Variants in C12orf42 observed in about 807,000 individuals in gnomAD.
C12orf42 encodes the protein uncharacterized protein C12orf42.
Under a neutral mutation model 21.6 loss-of-function variants are expected in C12orf42, and 25 were observed. The ratio of observed to expected loss-of-function variants is 1.16; its 90% CI spans 0.84 to 1.62. The LOEUF (loss-of-function observed/expected upper bound fraction) is 1.62, where lower values mean the gene tolerates loss of function less well. Ranked by LOEUF, C12orf42 falls within the 40% of genes most tolerant of loss-of-function variation. C12orf42 has a pLI of 0.00. For synonymous variants in C12orf42, 174 were observed against 175.0 expected (o/e 0.99, Z 0.05); for missense variants, 483 against 459.3 (o/e 1.05, Z -0.47).
intron 4 of C12orf42, among the ~76,000 whole-genome samples, chr12:103,286,552 G>C (rs1245811897): frequency 6.6e-6 from 1 of 151,324 alleles, no homozygotes; most frequent in African/African-American, 2.4e-5. Flanking sequence ...CTAGCACATA[G>C]TAAATAATCA....
intron 4 of C12orf42, among the ~76,000 whole-genome samples, chr12:103,334,052 T>C (rs2041474644): frequency 6.6e-6 from 1 of 152,236 alleles, no homozygotes; most frequent in Admixed American, 6.5e-5. Context: ...TGCATATGAA[T>C]GCTGAGTTAA....
chr12:103,098,503 T>C, the C12orf42 span, among the ~76,000 whole-genome samples: 1 of 152,238 alleles, frequency 6.6e-6, no homozygotes, highest in Non-Finnish European at 1.5e-5. Context: ...CTTATTTTAA[T>C]AACTGCAAAA....
the C12orf42 span, among the ~76,000 whole-genome samples, chr12:103,214,497 G>A: frequency 3.9e-5 from 6 of 152,082 alleles, no homozygotes; most frequent in East Asian, 9.6e-4. Flanking sequence ...AGTTATCCCC[G>A]CACGGAGATC....
chr12:103,309,857 C>A (rs1278354901), intron 4 of C12orf42, among the ~76,000 whole-genome samples: 1 of 152,244 alleles, frequency 6.6e-6, no homozygotes, highest in Non-Finnish European at 1.5e-5. Flanking sequence ...TCCTGAGCCA[C>A]AGCTTTGTCC....
At chr12:103,188,019 T>TTACCA in the C12orf42 span, among the ~76,000 whole-genome samples, 1 of 152,228 alleles carries the variant, frequency 6.6e-6, no homozygotes, top group Non-Finnish European at 1.5e-5. Context: ...AAGAGTACTC[T>TTACCA]GAATTTCCTT....
intron 4 of C12orf42, among the ~76,000 whole-genome samples, chr12:103,343,116 T>C (rs145363176): frequency 3.0e-4 from 46 of 152,328 alleles, no homozygotes; most frequent in African/African-American, 1.1e-3. Flanking sequence ...AATTCTAACA[T>C]TTGCAAGTGA....
chr12:103,083,374 C>CA, the C12orf42 span, among the ~76,000 whole-genome samples: 3,436 of 151,980 alleles, frequency 0.023, 58 homozygotes, highest in African/African-American at 0.044. Context: ...AAAACAAAAA[C>CA]AAAAAATACA....
chr12:103,199,019 T>C, the C12orf42 span, among the ~76,000 whole-genome samples: 2 of 152,180 alleles, frequency 1.3e-5, no homozygotes, highest in South Asian at 2.1e-4. Flanking sequence ...TTTTGAGCAA[T>C]ATGAATGAAG....
chr12:103,328,121 A>G (rs2040875546), intron 4 of C12orf42, among the ~76,000 whole-genome samples: 1 of 152,188 alleles, frequency 6.6e-6, no homozygotes, highest in Admixed American at 6.5e-5. Context: ...CCAGTATTTT[A>G]GGTCAACATC....
chr12:103,107,284 A>C, the C12orf42 span, among the ~76,000 whole-genome samples: 1 of 152,088 alleles, frequency 6.6e-6, no homozygotes, highest in Middle Eastern at 3.4e-3. Context: ...TATATGTTAC[A>C]CATTGGAAAC....
chr12:103,557,059 C>T, the C12orf42 span, among the ~76,000 whole-genome samples: 1 of 152,084 alleles, frequency 6.6e-6, no homozygotes, highest in Non-Finnish European at 1.5e-5. Context: ...AATAAATTTG[C>T]TTTCCTTTAA....
At chr12:103,412,229 A>G (rs1566266973) in intron 2 of C12orf42, among the ~76,000 whole-genome samples, 4 of 152,264 alleles carry the variant, frequency 2.6e-5, no homozygotes, top group African/African-American at 9.6e-5. Context: ...AATGAGAAAT[A>G]TATTGAACAC....
At chr12:103,364,623 A>G (rs147160626) in intron 4 of C12orf42, among the ~76,000 whole-genome samples, 5 of 152,100 alleles carry the variant, frequency 3.3e-5, no homozygotes, top group Non-Finnish European at 7.4e-5. Context: ...AGATCCAAAT[A>G]AGCTCAATTG....
At chr12:103,526,471 C>T in the C12orf42 span, among the ~76,000 whole-genome samples, 16 of 152,192 alleles carry the variant, frequency 1.1e-4, no homozygotes, top group South Asian at 1.9e-3. Context: ...GCATATGTGT[C>T]GTTATTTCAT....
At chr12:103,234,838 A>G (rs1028397672), downstream of C12orf42, among the ~76,000 whole-genome samples, 2 of 152,208 alleles carry the variant, frequency 1.3e-5, no homozygotes, top group African/African-American at 4.8e-5. Flanking sequence ...GAATTGTTCT[A>G]TTTTACACTG....
At chr12:103,500,686 G>T (rs1005234223), upstream of C12orf42, among the ~76,000 whole-genome samples, 2 of 152,226 alleles carry the variant, frequency 1.3e-5, no homozygotes, top group Non-Finnish European at 2.9e-5. Flanking sequence ...TGGGTATTGT[G>T]TTGTGCATGT....
intron 4 of C12orf42, among the ~76,000 whole-genome samples, chr12:103,361,196 T>C (rs899760243): frequency 3.9e-5 from 6 of 152,088 alleles, no homozygotes; most frequent in African/African-American, 1.4e-4. Flanking sequence ...GCCCAAATAC[T>C]GTGAGCGCCC....
At chr12:103,540,957 G>A in the C12orf42 span, among the ~76,000 whole-genome samples, 1 of 151,958 alleles carries the variant, frequency 6.6e-6, no homozygotes, top group Non-Finnish European at 1.5e-5. Flanking sequence ...AGGCTGAGGT[G>A]CAGTGGTGCA....
At chr12:103,055,341 T>C in the C12orf42 span, among the ~76,000 whole-genome samples, 1 of 151,940 alleles carries the variant, frequency 6.6e-6, no homozygotes, top group East Asian at 1.9e-4. Flanking sequence ...GTGAAATTTA[T>C]GTGTGTAGAG....
Sources: allele counts gnomAD v4.1 joint callset (sites outside exome capture counted in the v4.1 genomes callset), GRCh38; gene constraint gnomAD v4.1.1; transcripts MANE v1.5; gene names NCBI Gene and HGNC (gene_info 2026-07-23, HGNC 2026-07-21).